Variants in EEPD1 observed in about 807,000 individuals in gnomAD.
The protein encoded by EEPD1 is endonuclease/exonuclease/phosphatase family domain containing 1, also known as endonuclease/exonuclease/phosphatase family domain-containing protein 1.
EEPD1 carries 17 observed loss-of-function variants against 46.3 expected under a neutral mutation model. The ratio of observed to expected loss-of-function variants is 0.37; its 90% confidence interval spans 0.25 to 0.55. The LOEUF is 0.55. EEPD1 is among the 20% of genes least tolerant of loss of function. The pLI is 0.83. For missense variants in EEPD1, 673 were observed against 745.6 expected, an observed-to-expected ratio of 0.90 and a Z score of 1.13; for synonymous variants, 313 against 315.6, an observed-to-expected ratio of 0.99 and a Z score of 0.09.
chr7:36,153,400 GCAGCC>G lies in EEPD1; in HGVS notation c.-466_-462del, dbSNP rs1784754878. On this transcript the variant is annotated 5_prime_UTR_variant, in exon 1 of 8. Coordinates refer to ENST00000242108, the MANE Select transcript of EEPD1 (RefSeq NM_030636.3). ...CGGCGGCGCCGCCGCAAGCCCCGGT[GCAGCC>G]TCGGCGGCGGGTTTCGCCGCCGCTG... 1 of 152,274 alleles carries G rather than the reference GCAGCC, an allele frequency of 6.6e-6. No homozygotes were observed. Among genetic ancestry groups the G allele is most frequent in the Non-Finnish European group, 1.5e-5 (1 of 68,114 alleles). The allele number at this position is 152,274 out of a possible 1,614,324, so 9.4% of individuals were successfully genotyped here.
At chr7:36,252,696 G>C (rs1786769625) in intron 3 of EEPD1, among the ~76,000 whole-genome samples, 1 of 152,176 alleles carries the variant, frequency 6.6e-6, no homozygotes, top group South Asian at 2.1e-4. Flanking sequence ...CAGCCGCTGA[G>C]AGGAGGAACT....
At chr7:36,209,849 A>G (rs1294610682) in intron 2 of EEPD1, among the ~76,000 whole-genome samples, 1 of 152,224 alleles carries the variant, frequency 6.6e-6, no homozygotes, top group Non-Finnish European at 1.5e-5. Flanking sequence ...ACATATCCCA[A>G]TAGACACCAC....
At chr7:36,178,980 G>GATT (rs1785228634) in intron 2 of EEPD1, among the ~76,000 whole-genome samples, 1 of 152,250 alleles carries the variant, frequency 6.6e-6, no homozygotes, top group South Asian at 2.1e-4. Context: ...CTTGAAAAGA[G>GATT]ATTATGGCCT....
chr7:36,178,164 A>T (rs1403725579), intron 2 of EEPD1, among the ~76,000 whole-genome samples: 1 of 152,006 alleles, frequency 6.6e-6, no homozygotes, highest in Non-Finnish European at 1.5e-5. Context: ...CAGTTAATAG[A>T]ATAAATAAGT....
chr7:36,232,162 T>C (rs1786343274), intron 2 of EEPD1, among the ~76,000 whole-genome samples: 2 of 150,492 alleles, frequency 1.3e-5, no homozygotes, highest in Non-Finnish European at 3.0e-5. Flanking sequence ...AGCTATTCCA[T>C]TTATGTTGCT....
intron 2 of EEPD1, among the ~76,000 whole-genome samples, chr7:36,202,238 G>C (rs1200705897): frequency 1.3e-5 from 2 of 152,186 alleles, no homozygotes; most frequent in Non-Finnish European, 2.9e-5. Context: ...TGCAGGACAT[G>C]CATCATTCCC....
chr7:36,217,952 G>T (rs926435154), intron 2 of EEPD1, among the ~76,000 whole-genome samples: 3 of 152,200 alleles, frequency 2.0e-5, no homozygotes, highest in African/African-American at 7.2e-5. Flanking sequence ...CTAATTTTCA[G>T]TATGCTCTGA....
chr7:36,285,153 C>A (rs1465241254), intron 5 of EEPD1, among the ~76,000 whole-genome samples: 1 of 152,166 alleles, frequency 6.6e-6, no homozygotes, highest in African/African-American at 2.4e-5. Context: ...CTAGACCCCA[C>A]CTCAGACATA....
chr7:36,250,560 G>A (rs542649554), intron 3 of EEPD1, among the ~76,000 whole-genome samples: 81 of 152,268 alleles, frequency 5.3e-4, no homozygotes, highest in African/African-American at 1.8e-3. Context: ...ATTGTCTGTG[G>A]CTGCTTTTAC....
At chr7:36,175,878 C>T (rs1785168190) in intron 2 of EEPD1, among the ~76,000 whole-genome samples, 1 of 152,216 alleles carries the variant, frequency 6.6e-6, no homozygotes, top group Non-Finnish European at 1.5e-5. Flanking sequence ...ACCCTGCAGC[C>T]TTGGCTGAAC....
At chr7:36,216,232 C>T (rs1226784239) in intron 2 of EEPD1, among the ~76,000 whole-genome samples, 3 of 152,122 alleles carry the variant, frequency 2.0e-5, no homozygotes, top group African/African-American at 7.2e-5. Flanking sequence ...TTGACTGCCC[C>T]GCACAAGGCT....
At chr7:36,165,411 C>CTTT (rs56236165) in intron 2 of EEPD1, among the ~76,000 whole-genome samples, 671 of 62,124 alleles carry the variant, frequency 0.011, 108 homozygotes, top group Middle Eastern at 0.018. Context: ...GATCCATTTC[C>CTTT]TTTTTTTTTT....
In EEPD1 at chr7:36,299,282, C is replaced by T; in HGVS notation, c.*76C>T. The T allele has an allele frequency of 1.4e-6, 2 of 1,479,830 alleles. No homozygotes were observed. The highest frequency in any genetic ancestry group is 1.4e-5 in the African/African-American group (1 of 71,642). The allele number at this position is 1,479,830 out of a possible 1,614,324, so 91.7% of individuals were successfully genotyped here. On this transcript the variant is annotated 3_prime_UTR_variant, in exon 8 of 8. Coordinates refer to ENST00000242108, the MANE Select transcript of EEPD1 (RefSeq NM_030636.3). ...GAATGAGCCCTGTGGGGTGACGCTT[C>T]AGGGCAGAGCTGCCTTTTAATTTTT... is the stretch of plus-strand genomic sequence containing the variant.
intron 2 of EEPD1, among the ~76,000 whole-genome samples, chr7:36,214,879 G>A (rs1786003057): frequency 6.6e-6 from 1 of 152,196 alleles, no homozygotes; most frequent in Non-Finnish European, 1.5e-5. Flanking sequence ...AGAGAATCAA[G>A]CTGGTATAAT....
chr7:36,249,151 C>T (rs1435585126), intron 3 of EEPD1, among the ~76,000 whole-genome samples: 2 of 152,064 alleles, frequency 1.3e-5, no homozygotes, highest in Admixed American at 1.3e-4. Flanking sequence ...AACAGAGTCC[C>T]CAAACAGGAC....
At chr7:36,276,760 C>T (rs2112081) in intron 3 of EEPD1, among the ~76,000 whole-genome samples, 2 of 152,174 alleles carry the variant, frequency 1.3e-5, no homozygotes, top group Admixed American at 1.3e-4. Context: ...GCCAGAACCT[C>T]AAAGAACCAG....
Position 36,284,808 on chromosome 7 carries a change from CG to C in EEPD1, c.1167del (p.Arg390GlyfsTer9). On this transcript the variant is annotated frameshift_variant, in exon 5 of 8. Coordinates refer to ENST00000242108, the MANE Select transcript of EEPD1 (RefSeq NM_030636.3). LOFTEE classifies it high-confidence loss of function. ...GKLAGPSPYLGRFKVGSHDLT... is the reference protein window; with the variant it reads ...GKLAGPSPYLXRFKVGSHDLT... ...AGCTGGCGGGCCCCAGCCCATACCTCGGGAGGTTCAAGGTACCCGCTCCACG... is the reference window on the plus strand; with the variant it reads ...AGCTGGCGGGCCCCAGCCCATACCTCGGAGGTTCAAGGTACCCGCTCCACG... 1 of 1,538,360 alleles carries C rather than the reference CG, an allele frequency of 6.5e-7. No homozygotes were observed. The highest frequency in any genetic ancestry group is 8.8e-7 in the Non-Finnish European group (1 of 1,141,328).
chr7:36,202,257 C>T (rs775308705), intron 2 of EEPD1, among the ~76,000 whole-genome samples: 1 of 152,092 alleles, frequency 6.6e-6, no homozygotes, highest in African/African-American at 2.4e-5. Flanking sequence ...CCTGTCAGGC[C>T]CTTGTGTGGA....
At chr7:36,224,618 A>T (rs1342970798) in intron 2 of EEPD1, among the ~76,000 whole-genome samples, 1 of 152,216 alleles carries the variant, frequency 6.6e-6, no homozygotes, top group African/African-American at 2.4e-5. Flanking sequence ...CAGGAACAGT[A>T]AAACGTGAAG....
Sources: allele counts gnomAD v4.1 joint callset (sites outside exome capture counted in the v4.1 genomes callset), GRCh38; gene constraint gnomAD v4.1.1; transcripts MANE v1.5; gene names NCBI Gene and HGNC (gene_info 2026-07-23, HGNC 2026-07-21).